ZSCAN2: variants seen among roughly 807,000 people sequenced by gnomAD.
ZSCAN2 encodes the protein zinc finger and SCAN domain-containing protein 2.
ZSCAN2 carries 26 observed loss-of-function variants against 47.8 expected under a neutral mutation model. The observed-to-expected ratio is 0.54, with a 90% CI of 0.40 to 0.75. The LOEUF (loss-of-function observed/expected upper bound fraction) is 0.75. Ranked by LOEUF, ZSCAN2 falls within the 30% of genes least tolerant of loss-of-function variation. The pLI is 0.00. For synonymous variants in ZSCAN2, 305 were observed against 288.7 expected (o/e 1.06, Z -0.57); for missense variants, 732 against 785.4 (o/e 0.93, Z 0.81).
chr15:84,620,127 T>G (rs929122175), intron 2 of ZSCAN2, among the ~76,000 whole-genome samples: 4 of 152,082 alleles, frequency 2.6e-5, no homozygotes, highest in African/African-American at 9.7e-5. Flanking sequence ...CAGGGTGTGT[T>G]ATTTCCCTCC....
intron 1 of ZSCAN2, among the ~76,000 whole-genome samples, chr15:84,602,480 A>C (rs1418922066): frequency 6.6e-6 from 1 of 152,054 alleles, no homozygotes; most frequent in Non-Finnish European, 1.5e-5. Flanking sequence ...AGATATTGAA[A>C]ATTTCCATCA....
At chr15:84,617,611 G>A (rs930217250) in intron 2 of ZSCAN2, among the ~76,000 whole-genome samples, 1 of 152,022 alleles carries the variant, frequency 6.6e-6, no homozygotes, top group Non-Finnish European at 1.5e-5. Flanking sequence ...TGTAAGCATG[G>A]AGTTTAATTA....
chr15:84,620,668 A>C lies in ZSCAN2; in HGVS notation c.473A>C (p.Lys158Thr). 1 of 1,614,230 alleles carries C rather than the reference A, an allele frequency of 6.2e-7. No homozygotes were observed. The highest frequency in any genetic ancestry group is 8.5e-7 in the Non-Finnish European group (1 of 1,180,012). ...GACATGTTTGAGAATGAATCACGTA[A>C]GATATTCTCGGAAATGCCTGAAGGT... ...NQDMFENESR[K>T]IFSEMPEGES... The change falls in exon 3 of 3, where the codon AAG becomes ACG. Residue 158 changes from lysine (K) to threonine (T), a missense_variant. By Grantham distance (78) the Lys-to-Thr change is moderately conservative (BLOSUM62 -1). Around this residue, in one of 2 missense-constraint regions of ZSCAN2, gnomAD observed 320 missense variants for 287.4 expected, o/e 1.11. Coordinates refer to ENST00000546148, the MANE Select transcript of ZSCAN2 (RefSeq NM_181877.4).
rs574298902 is a variant in ZSCAN2 at position 84,619,258 on chromosome 15, C to T, written c.407-1344C>T. ...CATCCTGGCTAACATGGTGAAACCCCGTCTCTCTAAAAATACAAAAAATTA... is the reference window on the plus strand; with the variant it reads ...CATCCTGGCTAACATGGTGAAACCCTGTCTCTCTAAAAATACAAAAAATTA... On this transcript the variant is annotated intron_variant, in intron 2 of 2. Coordinates refer to ENST00000546148, the MANE Select transcript of ZSCAN2 (RefSeq NM_181877.4). Among the ~76,000 whole-genome samples, 203 of 152,092 alleles carry T rather than the reference C, an allele frequency of 1.3e-3. 1 individual carries two copies. The highest frequency in any genetic ancestry group is 2.3e-3 in the Non-Finnish European group (155 of 67,990).
chr15:84,620,060 C>T (rs1322453322), intron 2 of ZSCAN2, among the ~76,000 whole-genome samples: 1 of 151,908 alleles, frequency 6.6e-6, no homozygotes, highest in African/African-American at 2.4e-5. Context: ...AGGTATTAAG[C>T]CCAGCATCCA....
chr15:84,612,639 G>T (rs1895584616), intron 2 of ZSCAN2, among the ~76,000 whole-genome samples: 1 of 152,128 alleles, frequency 6.6e-6, no homozygotes, highest in Non-Finnish European at 1.5e-5. Flanking sequence ...GGAGGCTGAG[G>T]CAGGAGAATG....
In ZSCAN2 at chr15:84,622,303, C is replaced by G. The variant is rs1895834891; in HGVS notation, c.*263C>G. On this transcript the variant is annotated 3_prime_UTR_variant, in exon 3 of 3. Coordinates refer to ENST00000546148, the MANE Select transcript of ZSCAN2 (RefSeq NM_181877.4). ...CTTACATTGGGTGACTTGATTGGCCCCCTCTCATGATTCCTCTGTGCCTCA... is the reference window on the plus strand; with the variant it reads ...CTTACATTGGGTGACTTGATTGGCCGCCTCTCATGATTCCTCTGTGCCTCA... The G allele has an allele frequency of 1.7e-6, 1 of 571,948 alleles. No homozygotes were observed. Among genetic ancestry groups the G allele is most frequent in the East Asian group, 3.0e-5 (1 of 33,254 alleles). The allele number at this position is 571,948 out of a possible 1,614,324, so 35.4% of individuals were successfully genotyped here.
chr15:84,602,873 A>G (rs1895254656), intron 1 of ZSCAN2, among the ~76,000 whole-genome samples: 1 of 151,786 alleles, frequency 6.6e-6, no homozygotes, highest in African/African-American at 2.4e-5. Context: ...ACAGGCAACC[A>G]CGCCAAGCCT....
chr15:84,619,159 C>T lies in ZSCAN2; in HGVS notation c.407-1443C>T, dbSNP rs193183264. 7.1e-3 allele frequency among the ~76,000 whole-genome samples: 1,080 copies of T among 152,188 alleles called. 10 individuals are homozygous for T. Among genetic ancestry groups the T allele is most frequent in the South Asian group, 0.011 (51 of 4,826 alleles). ...TTAAAGATCTATTCATGGCTGGGCG[C>T]GGTGGCTCACGCCTGTAATCCCAGC... On this transcript the variant is annotated intron_variant, in intron 2 of 2. Transcript: ENST00000546148.
Position 84,621,008 on chromosome 15 carries a change from T to G in ZSCAN2, c.813T>G (p.Thr271=). ...DGSNFSRHQT[T]HTGEKPYKCR... Reference sequence around the variant, plus strand: ...CAAATTTTAGTAGACACCAAACCACTCACACCGGGGAGAAGCCCTACAAAT... The same window carrying G: ...CAAATTTTAGTAGACACCAAACCACGCACACCGGGGAGAAGCCCTACAAAT... The change falls in exon 3 of 3, where the codon ACT becomes ACG. Residue 271 remains threonine, a synonymous_variant. Transcript: ENST00000546148. The surrounding 1 kb of genome is among the most constrained non-coding windows in gnomAD (Gnocchi z 5.7). The G allele has an allele frequency of 6.2e-7, 1 of 1,613,516 alleles. No individual in the cohort carries two copies. The highest frequency in any genetic ancestry group is 8.5e-7 in the Non-Finnish European group (1 of 1,179,916).
chr15:84,605,266 TTGA>T (rs776407296), intron 2 of ZSCAN2, among the ~76,000 whole-genome samples: 3 of 152,236 alleles, frequency 2.0e-5, no homozygotes, highest in African/African-American at 7.2e-5. Context: ...GTAGACTCAC[TTGA>T]TGACCAAATG....
In ZSCAN2 at chr15:84,622,039, G is replaced by A; in HGVS notation, c.1844G>A (p.Ter615=). The A allele has an allele frequency of 1.3e-6, 2 of 1,595,672 alleles. No individual in the cohort carries two copies. The highest frequency in any genetic ancestry group is 1.7e-6 in the Non-Finnish European group (2 of 1,169,616). Residue 615 remains the stop codon, a stop_retained_variant, in exon 3 of 3, where the codon TGA becomes TAA. Coordinates refer to ENST00000546148, the MANE Select transcript of ZSCAN2 (RefSeq NM_181877.4). ...ACTCACATGAAAGAGAAACTTTATT[G>A]AAGTGGCAAAGAGTGAAAGTGAGGG... The part of the protein sequence containing the change: ...QRTHMKEKLY[*]
At chr15:84,606,894 A>G in intron 2 of ZSCAN2, 4 of 1,114,762 alleles carry the variant, frequency 3.6e-6, no homozygotes, top group East Asian at 1.5e-4. Flanking sequence ...GATTGCTCAC[A>G]GGAGTCCCTG....
Position 84,601,016 on chromosome 15 carries a change from G to C in ZSCAN2, c.-228G>C, listed in dbSNP as rs1222015624. ...GCGCGGCGGTGGGCGGGCCTCTCCC[G>C]TCCATTGTTCTCGGTGCCCCACGGG... is the stretch of plus-strand genomic sequence containing the variant. On this transcript the variant is annotated 5_prime_UTR_variant, in exon 1 of 3. Coordinates refer to ENST00000546148, the MANE Select transcript of ZSCAN2 (RefSeq NM_181877.4). 1 of 152,310 alleles carries C rather than the reference G, an allele frequency of 6.6e-6. No individual in the cohort carries two copies. The highest frequency in any genetic ancestry group is 1.5e-5 in the Non-Finnish European group (1 of 68,128). 9.4% of individuals were successfully genotyped at this position (152,310 alleles called of 1,614,324 possible).
At position 84,603,843 on chromosome 15, in the gene ZSCAN2, G is replaced by A. The variant is rs1184276943; in HGVS notation, c.-85G>A. The A allele has an allele frequency of 6.9e-7, 1 of 1,445,902 alleles. No individual in the cohort carries two copies. The highest frequency in any genetic ancestry group is 1.4e-5 in the African/African-American group (1 of 70,462). The allele number at this position is 1,445,902 out of a possible 1,614,324, so 89.6% of individuals were successfully genotyped here. On this transcript the variant is annotated 5_prime_UTR_variant, in exon 2 of 3. Transcript: ENST00000546148. ...AGCGGGACTACTTGTTGATATTTGA[G>A]GAGGGAAGTGTCTTACCTGAGAGCC...
At chr15:84,616,635 T>C in intron 2 of ZSCAN2, 2 of 1,185,614 alleles carry the variant, frequency 1.7e-6, no homozygotes, top group Non-Finnish European at 2.1e-6. Context: ...CCGAGCTCAT[T>C]GGAGAGCTAA....
intron 2 of ZSCAN2, among the ~76,000 whole-genome samples, chr15:84,606,151 G>C (rs909066862): frequency 3.3e-5 from 5 of 152,194 alleles, no homozygotes; most frequent in Admixed American, 6.5e-5. Flanking sequence ...GAGAAGAGAA[G>C]GAAACTGAAG....
chr15:84,621,361 C>G lies in ZSCAN2; in HGVS notation c.1166C>G (p.Pro389Arg). The G allele has an allele frequency of 6.2e-7, 1 of 1,614,156 alleles. No individual in the cohort carries two copies. Among genetic ancestry groups the G allele is most frequent in the Non-Finnish European group, 8.5e-7 (1 of 1,180,028 alleles). Residue 389 changes from proline to arginine, a missense_variant, in exon 3 of 3, where the codon CCC becomes CGC. Physicochemically the swap from Pro to Arg is moderately radical, Grantham distance 103. Around this residue, in one of 2 missense-constraint regions of ZSCAN2, gnomAD observed 412 missense variants for 498.0 expected, o/e 0.83. Coordinates refer to ENST00000546148, the MANE Select transcript of ZSCAN2 (RefSeq NM_181877.4). This position sits in a 1 kb window ranked among gnomAD's most constrained non-coding sequence, Gnocchi z 5.7. ...CAGAGAATCCACACAGGAGAGAAAC[C>G]CTACAAATGTACCGACTGTGGGCAG... ...RHQRIHTGEK[P>R]YKCTDCGQRF...
chr15:84,621,404 A>C lies in ZSCAN2; in HGVS notation c.1209A>C (p.Ser403=). Residue 403 remains serine, a synonymous_variant, in exon 3 of 3, where the codon TCA becomes TCC. Coordinates refer to ENST00000546148, the MANE Select transcript of ZSCAN2 (RefSeq NM_181877.4). This position sits in a 1 kb window ranked among gnomAD's most constrained non-coding sequence, Gnocchi z 5.7. ...GTGGGCAGAGGTTCAGCCAGAGTTCAGCCCTCATCACCCACCGGAGAACCC... is the reference window on the plus strand; with the variant it reads ...GTGGGCAGAGGTTCAGCCAGAGTTCCGCCCTCATCACCCACCGGAGAACCC... ...TDCGQRFSQS[S]ALITHRRTHT... The C allele has an allele frequency of 6.2e-7, 1 of 1,612,662 alleles. No individual in the cohort carries two copies. The highest frequency in any genetic ancestry group is 8.5e-7 in the Non-Finnish European group (1 of 1,179,520).
Sources: gnomAD v4.1 joint callset for allele counts (sites outside exome capture counted in the v4.1 genomes callset) on GRCh38, gnomAD v4.1.1 for gene constraint, gnomAD v4.1.1 regional missense constraint, Gnocchi (gnomAD v3.1) non-coding constraint, MANE v1.5 for transcripts, NCBI Gene and HGNC (gene_info 2026-07-23, HGNC 2026-07-21) for gene names.